Variants in ISY1 observed in about 807,000 individuals in gnomAD.
ISY1 encodes pre-mRNA-splicing factor ISY1 homolog.
A neutral mutation model predicts 54.4 loss-of-function variants in ISY1; 12 were observed. That is an observed-to-expected ratio of 0.22 (90% CI 0.14 to 0.36). The LOEUF (loss-of-function observed/expected upper bound fraction) is 0.36, where lower values mean the gene tolerates loss of function less well. Among genes scored for constraint, ISY1 ranks in the 10% least tolerant of loss-of-function variants. ISY1 has a pLI of 1.00. For synonymous variants in ISY1, 96 were observed against 117.9 expected (o/e 0.81, Z 1.20); for missense variants, 282 against 342.2 (o/e 0.82, Z 1.39).
At chr3:129,144,920 C>CT (rs1177572001) in intron 6 of ISY1, among the ~76,000 whole-genome samples, 2 of 151,862 alleles carry the variant, frequency 1.3e-5, no homozygotes, top group Admixed American at 6.6e-5. Context: ...CTCATTTTAT[C>CT]TTTTTTTTGA....
At position 129,156,837 on chromosome 3, in the gene ISY1, G is replaced by A. The variant is rs768325976; in HGVS notation, c.144+18C>T. 3 of 1,610,294 alleles carry A rather than the reference G, an allele frequency of 1.9e-6. No homozygotes were observed. The Admixed American group carries it at 5.1e-5, about 27-fold the overall frequency. ...AGACTTGTTACTTCTACTGAAATCA[G>A]ATTTACCCAGAACATACCTGTCGTC... On this transcript the variant is annotated intron_variant, in intron 4 of 10. Transcript: ENST00000393295.
intron 7 of ISY1, among the ~76,000 whole-genome samples, chr3:129,135,518 C>G (rs1035076247): frequency 1.3e-5 from 2 of 152,118 alleles, no homozygotes; most frequent in African/African-American, 4.8e-5. Context: ...GTAATCCCAG[C>G]ACTTTGGGAG....
At chr3:129,145,676 G>C in intron 6 of ISY1, 85 bp downstream of exon 6, 1 of 1,308,330 alleles carries the variant, frequency 7.6e-7, no homozygotes, top group Non-Finnish European at 1.1e-6. Flanking sequence ...CCTGTATCAA[G>C]CGACTACTAT....
In ISY1 at chr3:129,160,772, TA is replaced by T. The variant is rs571868776; in HGVS notation, c.3+200del. ...GGGATTAAGACACTGTCCAGGACAG[TA>T]ACGCGGCTCCCGAGTTTCCAGTTTT... On this transcript the variant is annotated intron_variant, in intron 1 of 10. Coordinates refer to ENST00000393295, the MANE Select transcript of ISY1 (RefSeq NM_020701.4). Among the ~76,000 whole-genome samples the T allele has an allele frequency of 2.6e-3, 402 of 152,316 alleles. 1 individual carries two copies. Among genetic ancestry groups the T allele is most frequent in the African/African-American group, 9.3e-3 (386 of 41,568 alleles).
At position 129,129,879 on chromosome 3, in the gene ISY1, A is replaced by T. The variant is rs1936189905; in HGVS notation, c.*202T>A. 3 of 442,518 alleles carry T rather than the reference A, an allele frequency of 6.8e-6. No individual in the cohort carries two copies. The highest frequency in any genetic ancestry group is 1.2e-5 in the Non-Finnish European group (3 of 251,984). The allele number at this position is 442,518 out of a possible 1,614,324, so 27.4% of individuals were successfully genotyped here. ...CTCCACAATAAAAATAAATGGATCC[A>T]CACAGTAGCAAAATATGTGTACAAA... On this transcript the variant is annotated 3_prime_UTR_variant, in exon 11 of 11. Transcript: ENST00000393295.
chr3:129,144,496 TTACA>T (rs1483416301), intron 6 of ISY1, among the ~76,000 whole-genome samples: 2 of 152,210 alleles, frequency 1.3e-5, no homozygotes, highest in Admixed American at 6.5e-5. Context: ...AGTCCATTGA[TTACA>T]TACTGTTTCC....
In ISY1 at chr3:129,151,070, C is replaced by T. The variant is rs147953112; in HGVS notation, c.188-5197G>A. On this transcript the variant is annotated intron_variant, in intron 5 of 10. Coordinates refer to ENST00000393295, the MANE Select transcript of ISY1 (RefSeq NM_020701.4). ...CTGGGAGGCAGAGGTTGCAGTGAGCCGAGACTGGGCCACTGCACTCCAGCG... is the reference window on the plus strand; with the variant it reads ...CTGGGAGGCAGAGGTTGCAGTGAGCTGAGACTGGGCCACTGCACTCCAGCG... Among the ~76,000 whole-genome samples, 786 of 149,302 alleles carry T rather than the reference C, an allele frequency of 5.3e-3. 7 individuals are homozygous for T. The highest frequency in any genetic ancestry group is 0.016 in the African/African-American group (669 of 40,576).
chr3:129,134,973 G>A lies in ISY1; in HGVS notation c.419-19C>T. ...GGAAGAGCTATAAGAAACAGAAATG[G>A]AGCTGAGTTTCCAAGTCATAATCAC... On this transcript the variant is annotated intron_variant, in intron 7 of 10. Coordinates refer to ENST00000393295, the MANE Select transcript of ISY1 (RefSeq NM_020701.4). The A allele has an allele frequency of 6.3e-7, 1 of 1,594,098 alleles. No individual in the cohort carries two copies. The highest frequency in any genetic ancestry group is 8.6e-7 in the Non-Finnish European group (1 of 1,168,858).
intron 3 of ISY1, among the ~76,000 whole-genome samples, chr3:129,158,255 G>A (rs1305363100): frequency 6.6e-6 from 1 of 151,170 alleles, no homozygotes; most frequent in Non-Finnish European, 1.5e-5. Context: ...CTGCATTCAA[G>A]TGATTCTCCT....
In ISY1 at chr3:129,145,680, C is replaced by A. The variant is rs1427445954; in HGVS notation, c.300+81G>T. On this transcript the variant is annotated intron_variant, in intron 6 of 10. Transcript: ENST00000393295. The stretch of plus-strand genomic sequence containing the variant: ...TTCATAGCTTTCCTGTATCAAGCGA[C>A]TACTATGGCAAGAATGAGCTGGGAA... 3.1e-5 allele frequency: 42 copies of A among 1,371,934 alleles called. 1 individual carries two copies. The Admixed American group carries it at 6.5e-4, about 21-fold the overall frequency. The allele number at this position is 1,371,934 out of a possible 1,614,324, so 85.0% of individuals were successfully genotyped here. A position where few individuals can be genotyped will look rare whatever the true frequency, so the allele number is the denominator to read the frequency against.
In ISY1 at chr3:129,145,726, G is replaced by C. The variant is rs776474800; in HGVS notation, c.300+35C>G. ...GGGAACTGCTGTGGGTGGAAAACTA[G>C]ACAAGACCCGCCACTGGGGCTGCCA... On this transcript the variant is annotated intron_variant, in intron 6 of 10. Coordinates refer to ENST00000393295, the MANE Select transcript of ISY1 (RefSeq NM_020701.4). The C allele has an allele frequency of 2.5e-6, 4 of 1,603,402 alleles. 1 individual carries two copies. The South Asian group carries it at 4.4e-5, about 18-fold the overall frequency.
intron 5 of ISY1, among the ~76,000 whole-genome samples, chr3:129,152,379 G>A (rs773375288): frequency 1.7e-4 from 26 of 151,814 alleles, no homozygotes; most frequent in Non-Finnish European, 3.5e-4. Context: ...TAGTTGTGAT[G>A]TATTATCCTT....
chr3:129,156,597 G>C, intron 5 of ISY1, 36 bp downstream of exon 5: 1 of 1,601,452 alleles, frequency 6.2e-7, no homozygotes, highest in South Asian at 1.1e-5. Flanking sequence ...TTGTGGATTT[G>C]AGAATCAAGC....
At chr3:129,138,483 A>T (rs1392928687) in intron 7 of ISY1, among the ~76,000 whole-genome samples, 1 of 151,850 alleles carries the variant, frequency 6.6e-6, no homozygotes, top group Non-Finnish European at 1.5e-5. Context: ...AAAATACAAA[A>T]AAAAAATAAA....
chr3:129,137,602 G>A (rs576377243), intron 7 of ISY1, among the ~76,000 whole-genome samples: 16 of 152,178 alleles, frequency 1.1e-4, no homozygotes, highest in Non-Finnish European at 1.8e-4. Context: ...GGAGGCCGAG[G>A]TGGGCAGATC....
At position 129,158,157 on chromosome 3, in the gene ISY1, C is replaced by CT. The variant is rs1298936856; in HGVS notation, c.78+350dup. The stretch of plus-strand genomic sequence containing the variant: ...TACAGGCGTGAGTCACTGCACCCTA[C>CT]TTTTTTTTTTTTTTTTGACAGGTTC... On this transcript the variant is annotated intron_variant, in intron 3 of 10. Transcript: ENST00000393295. Among the ~76,000 whole-genome samples the CT allele has an allele frequency of 8.5e-3, 1,201 of 141,202 alleles. 9 individuals carry two copies. Among genetic ancestry groups the CT allele is most frequent in the South Asian group, 0.016 (69 of 4,392 alleles). 92.6% of individuals were successfully genotyped at this position (141,202 alleles called of 152,430 possible).
At chr3:129,147,492 C>T (rs1349641294) in intron 5 of ISY1, among the ~76,000 whole-genome samples, 1 of 152,128 alleles carries the variant, frequency 6.6e-6, no homozygotes, top group Non-Finnish European at 1.5e-5. Flanking sequence ...GTGCTAAAGA[C>T]ACAGAGAACT....
chr3:129,154,158 C>T (rs1468817223), intron 5 of ISY1, among the ~76,000 whole-genome samples: 3 of 147,762 alleles, frequency 2.0e-5, no homozygotes, highest in South Asian at 2.2e-4. Context: ...AGGAGAATGG[C>T]GTGAACCCCG....
intron 9 of ISY1, 138 bp from the exon 10 acceptor site, chr3:129,130,774 G>T: frequency 2.3e-6 from 2 of 873,720 alleles, no homozygotes; most frequent in Non-Finnish European, 1.7e-6. Flanking sequence ...AAAGACACTT[G>T]ACCCACAAGA....
Sources: allele counts gnomAD v4.1 joint callset (sites outside exome capture counted in the v4.1 genomes callset), GRCh38; gene constraint gnomAD v4.1.1; transcripts MANE v1.5; gene names NCBI Gene and HGNC (gene_info 2026-07-23, HGNC 2026-07-21).